The following ANXA8 variants were observed in gnomAD, a reference collection of about 807,000 sequenced individuals.
ANXA8 encodes VAC-beta.
A neutral mutation model predicts 26.8 loss-of-function variants in ANXA8; 9 were observed. The observed-to-expected ratio is 0.34, with a 90% CI of 0.20 to 0.59. ANXA8 has a LOEUF of 0.59. Among genes scored for constraint, ANXA8 ranks in the 20% least tolerant of loss-of-function variants. The pLI, the probability that ANXA8 is intolerant of heterozygous loss-of-function variation, is 0.84. For missense variants in ANXA8, 83 were observed against 238.5 expected (o/e 0.35, Z 4.29); for synonymous variants, 39 against 94.8 (o/e 0.41, Z 3.42).
the ANXA8 span, among the ~76,000 whole-genome samples, chr10:47,494,989 G>A: frequency 6.6e-6 from 1 of 151,708 alleles, no homozygotes; most frequent in Admixed American, 6.5e-5. Flanking sequence ...ATCATCAGGA[G>A]CTGCAGCCAT....
chr10:47,627,571 A>C, the ANXA8 span, among the ~76,000 whole-genome samples: 1 of 149,860 alleles, frequency 6.7e-6, no homozygotes, highest in Non-Finnish European at 1.5e-5. Context: ...TGGCACTTGG[A>C]AACTATTTAT....
At chr10:47,968,609 C>A in the ANXA8 span, among the ~76,000 whole-genome samples, 1 of 141,864 alleles carries the variant, frequency 7.0e-6, no homozygotes, top group Non-Finnish European at 1.6e-5. Context: ...TTTCCAGAAC[C>A]ACTTCGACCT....
the ANXA8 span, among the ~76,000 whole-genome samples, chr10:47,683,427 A>G: frequency 6.6e-6 from 1 of 151,648 alleles, no homozygotes; most frequent in African/African-American, 2.4e-5. Context: ...ACGGGGTTTC[A>G]CCCTTTTAGC....
At chr10:47,501,197 T>A in the ANXA8 span, among the ~76,000 whole-genome samples, 1 of 124,566 alleles carries the variant, frequency 8.0e-6, no homozygotes, top group African/African-American at 3.1e-5. Flanking sequence ...CCACCACGCC[T>A]GGCCATTCCC....
At chr10:47,700,395 A>G in the ANXA8 span, among the ~76,000 whole-genome samples, 2 of 152,008 alleles carry the variant, frequency 1.3e-5, no homozygotes, top group Non-Finnish European at 2.9e-5. Flanking sequence ...ATCTGGAATC[A>G]GTGAGATAAA....
chr10:47,533,180 A>G, the ANXA8 span, among the ~76,000 whole-genome samples: 1 of 145,370 alleles, frequency 6.9e-6, no homozygotes, highest in Non-Finnish European at 1.5e-5. Flanking sequence ...CCAAGTAAAC[A>G]CACATCACAC....
the ANXA8 span, among the ~76,000 whole-genome samples, chr10:47,686,930 G>A: frequency 6.6e-6 from 1 of 151,126 alleles, no homozygotes; most frequent in Admixed American, 6.6e-5. Flanking sequence ...GGGGGCGGGG[G>A]GGTTGGTTTT....
chr10:47,700,525 G>A, the ANXA8 span, among the ~76,000 whole-genome samples: 709 of 151,624 alleles, frequency 4.7e-3, 13 homozygotes, highest in African/African-American at 0.016. Context: ...TAGTCTAAAT[G>A]TAAAAAATAA....
At chr10:47,684,429 G>T in the ANXA8 span, among the ~76,000 whole-genome samples, 2 of 151,398 alleles carry the variant, frequency 1.3e-5, no homozygotes, top group African/African-American at 4.8e-5. Flanking sequence ...TTTTTGGGGG[G>T]GGGGTGAGGA....
chr10:47,741,787 T>A, the ANXA8 span, among the ~76,000 whole-genome samples: 4 of 151,808 alleles, frequency 2.6e-5, no homozygotes, highest in South Asian at 6.2e-4. Context: ...GGATGAATCA[T>A]ATATGTGAAT....
At chr10:47,651,839 A>G in the ANXA8 span, among the ~76,000 whole-genome samples, 1 of 151,788 alleles carries the variant, frequency 6.6e-6, no homozygotes. Context: ...GGTTGCAGTG[A>G]GCCGAGATCA....
the ANXA8 span, among the ~76,000 whole-genome samples, chr10:47,977,383 A>G: frequency 1.3e-5 from 2 of 151,480 alleles, no homozygotes; most frequent in South Asian, 4.2e-4. Flanking sequence ...TAAAACATTC[A>G]GTTTTTAAGA....
the ANXA8 span, among the ~76,000 whole-genome samples, chr10:47,586,810 C>T: frequency 2.1e-5 from 3 of 146,334 alleles, no homozygotes; most frequent in Non-Finnish European, 4.4e-5. Context: ...CATGACTAGC[C>T]TTACCTGTAA....
chr10:47,937,793 C>T, the ANXA8 span, among the ~76,000 whole-genome samples: 1 of 138,774 alleles, frequency 7.2e-6, no homozygotes, highest in East Asian at 2.2e-4. Flanking sequence ...GAATACTATG[C>T]AGCCATAAAA....
At chr10:47,711,252 C>T in the ANXA8 span, among the ~76,000 whole-genome samples, 1 of 147,906 alleles carries the variant, frequency 6.8e-6, no homozygotes, top group Non-Finnish European at 1.5e-5. Flanking sequence ...TTCTTTAAAG[C>T]ATAAATTATT....
the ANXA8 span, among the ~76,000 whole-genome samples, chr10:47,714,360 A>G: frequency 1.4e-5 from 2 of 147,898 alleles, no homozygotes; most frequent in Non-Finnish European, 3.0e-5. Context: ...CTTTAGTGAA[A>G]GAAACTAAGG....
At chr10:47,685,363 A>AAAAG in the ANXA8 span, among the ~76,000 whole-genome samples, 2 of 139,124 alleles carry the variant, frequency 1.4e-5, no homozygotes, top group Non-Finnish European at 1.6e-5. Flanking sequence ...AAAAAAAAAG[A>AAAAG]AAAAGAAAAA....
chr10:47,547,364 T>C, the ANXA8 span, among the ~76,000 whole-genome samples: 3 of 141,146 alleles, frequency 2.1e-5, 1 homozygote, highest in Non-Finnish European at 4.6e-5. Flanking sequence ...GAACAGTGTA[T>C]AAAATAAGCT....
chr10:47,721,272 C>T, the ANXA8 span, among the ~76,000 whole-genome samples: 3 of 142,150 alleles, frequency 2.1e-5, no homozygotes, highest in Non-Finnish European at 3.1e-5. Context: ...TCAATATAAG[C>T]ATTTATTGGA....
Sources: gnomAD v4.1 joint callset for allele counts (sites outside exome capture counted in the v4.1 genomes callset) on GRCh38, gnomAD v4.1.1 for gene constraint, MANE v1.5 for transcripts, NCBI Gene and HGNC (gene_info 2026-07-23, HGNC 2026-07-21) for gene names.